The following SLC44A1 variants were observed in gnomAD, a reference collection of about 807,000 sequenced individuals.
The protein encoded by SLC44A1 is choline transporter-like protein 1.
A neutral mutation model predicts 79.3 loss-of-function variants in SLC44A1; 26 were observed. The ratio of observed to expected loss-of-function variants is 0.33; its 90% CI spans 0.24 to 0.46. SLC44A1 has a LOEUF of 0.46. Among genes scored for constraint, SLC44A1 ranks in the 20% least tolerant of loss-of-function variants. The probability of loss-of-function intolerance (pLI) is 1.00; values close to 1 mark genes in which losing one functional copy is unlikely to be tolerated. For missense variants in SLC44A1, 688 were observed against 798.1 expected (o/e 0.86, Z 1.66); for synonymous variants, 263 against 286.2 (o/e 0.92, Z 0.82).
intron 3 of SLC44A1, among the ~76,000 whole-genome samples, chr9:105,312,459 T>C (rs1831206087): frequency 1.3e-5 from 2 of 152,248 alleles, no homozygotes; most frequent in South Asian, 4.1e-4. Flanking sequence ...ATGTCTCAGA[T>C]CCTAGTTCAC....
chr9:105,383,636 T>C (rs1444885207), intron 14 of SLC44A1, among the ~76,000 whole-genome samples: 1 of 152,204 alleles, frequency 6.6e-6, no homozygotes, highest in African/African-American at 2.4e-5. Context: ...TGTAGTTAGA[T>C]AGATTTGAAT....
intron 15 of SLC44A1, among the ~76,000 whole-genome samples, chr9:105,429,303 T>G (rs1291629138): frequency 6.6e-6 from 1 of 152,192 alleles, no homozygotes; most frequent in Non-Finnish European, 1.5e-5. Flanking sequence ...CTTTTTGGTT[T>G]GTTTTCGTTT....
intron 2 of SLC44A1, among the ~76,000 whole-genome samples, chr9:105,301,049 C>T (rs1007032766): frequency 3.3e-5 from 5 of 152,162 alleles, no homozygotes; most frequent in Admixed American, 1.3e-4. Flanking sequence ...GGATTACAGG[C>T]GTGAGCCACC....
At chr9:105,278,908 A>C (rs1830280189) in intron 1 of SLC44A1, among the ~76,000 whole-genome samples, 1 of 152,136 alleles carries the variant, frequency 6.6e-6, no homozygotes, top group African/African-American at 2.4e-5. Flanking sequence ...TGCTGAGAAA[A>C]ATTGCATGTG....
intron 4 of SLC44A1, among the ~76,000 whole-genome samples, chr9:105,344,702 C>G (rs1432590657): frequency 6.6e-6 from 1 of 152,006 alleles, no homozygotes; most frequent in African/African-American, 2.4e-5. Flanking sequence ...ATCTATGTAT[C>G]AGGAAATATA....
chr9:105,376,365 A>G (rs563767172), intron 13 of SLC44A1, among the ~76,000 whole-genome samples: 2 of 132,014 alleles, frequency 1.5e-5, no homozygotes, highest in South Asian at 4.9e-4. Context: ...CACACACACT[A>G]CACACACTGC....
At position 105,389,068 on chromosome 9, in the gene SLC44A1, G is replaced by C. The variant is rs368082758; in HGVS notation, c.*12G>C. The stretch of plus-strand genomic sequence containing the variant: ...CAAGTTCTGCTTGAACCTAGCCGAC[G>C]GTTATGGAAACCCATTGACATTCCA... On this transcript the variant is annotated 3_prime_UTR_variant, in exon 16 of 16. Coordinates refer to ENST00000374720, the MANE Select transcript of SLC44A1 (RefSeq NM_080546.5). 1.2e-6 allele frequency: 2 copies of C among 1,612,912 alleles called. No homozygotes were observed. The highest frequency in any genetic ancestry group is 3.3e-5 in the Admixed American group (2 of 59,988).
At chr9:105,289,324 G>T (rs1830549154) in intron 1 of SLC44A1, among the ~76,000 whole-genome samples, 1 of 152,224 alleles carries the variant, frequency 6.6e-6, no homozygotes, top group South Asian at 2.1e-4. Context: ...CCATTTAGGG[G>T]AAGCTTCTGT....
chr9:105,280,589 A>G (rs1278202502), intron 1 of SLC44A1, among the ~76,000 whole-genome samples: 1 of 152,222 alleles, frequency 6.6e-6, no homozygotes, highest in African/African-American at 2.4e-5. Context: ...GAAACCATAA[A>G]CAGGTATTAA....
intron 3 of SLC44A1, among the ~76,000 whole-genome samples, chr9:105,312,540 T>C (rs1175297903): frequency 6.6e-6 from 1 of 152,226 alleles, no homozygotes; most frequent in Admixed American, 6.5e-5. Context: ...CCTTAGAATA[T>C]GTTTTAAGAA....
chr9:105,287,245 T>C (rs1830499895), intron 1 of SLC44A1, among the ~76,000 whole-genome samples: 1 of 152,220 alleles, frequency 6.6e-6, no homozygotes, highest in Non-Finnish European at 1.5e-5. Flanking sequence ...GTTGTACACC[T>C]TAGATATATA....
At chr9:105,385,041 G>A (rs771394549) in intron 14 of SLC44A1, among the ~76,000 whole-genome samples, 3 of 152,136 alleles carry the variant, frequency 2.0e-5, no homozygotes, top group African/African-American at 4.8e-5. Context: ...ATGGAGTAAC[G>A]TGTTCTTGTT....
chr9:105,356,412 A>G lies in SLC44A1; in HGVS notation c.670+31A>G, dbSNP rs76511056. 1.6e-4 allele frequency: 226 copies of G among 1,444,866 alleles called. No individual in the cohort carries two copies. The East Asian group carries it at 4.6e-3, about 29-fold the overall frequency. 89.5% of individuals were successfully genotyped at this position (1,444,866 alleles called of 1,614,324 possible). ...TGTTTTTCTCATTATTAGCTATTGC[A>G]TAGTATTGCAGAAGAAGACTGTTTT... On this transcript the variant is annotated intron_variant, in intron 6 of 15. Transcript: ENST00000374720.
intron 1 of SLC44A1, among the ~76,000 whole-genome samples, chr9:105,274,312 T>C (rs957364584): frequency 3.3e-5 from 5 of 152,218 alleles, no homozygotes; most frequent in African/African-American, 9.6e-5. Flanking sequence ...AGTTTACTCA[T>C]CTGGCCTTTG....
At chr9:105,277,312 A>G (rs1197022683) in intron 1 of SLC44A1, among the ~76,000 whole-genome samples, 1 of 152,218 alleles carries the variant, frequency 6.6e-6, no homozygotes. Context: ...CATCTCTTGA[A>G]TACACTTCAG....
chr9:105,335,568 T>C lies in SLC44A1; in HGVS notation c.275T>C (p.Val92Ala), dbSNP rs749697256. 1.3e-5 allele frequency: 21 copies of C among 1,611,544 alleles called. No individual in the cohort carries two copies. The highest frequency in any genetic ancestry group is 1.8e-5 in the Non-Finnish European group (21 of 1,178,484). Reference protein sequence around the residue: ...SGMDHTQRKYVFFLDPCNLDL... With the variant: ...SGMDHTQRKYAFFLDPCNLDL... ...TTTTTTTCTCCATGCTTTAGGTATGTATTCTTTTTGGATCCATGCAACCTG... is the reference window on the plus strand; with the variant it reads ...TTTTTTTCTCCATGCTTTAGGTATGCATTCTTTTTGGATCCATGCAACCTG... Residue 92 changes from valine (V) to alanine (A), a missense_variant, in exon 4 of 16, where the codon GTA (valine) becomes GCA (alanine). Physicochemically the swap from Val to Ala is moderately conservative, Grantham distance 64. Transcript: ENST00000374720.
At chr9:105,311,071 T>C (rs906880410) in intron 3 of SLC44A1, among the ~76,000 whole-genome samples, 8 of 152,196 alleles carry the variant, frequency 5.3e-5, no homozygotes, top group Admixed American at 4.6e-4. Flanking sequence ...TTGAGAGAAG[T>C]GAAAGTTGGA....
Position 105,332,623 on chromosome 9 carries a change from G to A in SLC44A1, c.270-2940G>A, listed in dbSNP as rs1168829841. ...ATGGTAGCATTCTTCTCACCCTCCT[G>A]TTCTTGTTTTCTTTGTGCTGGATCT... On this transcript the variant is annotated intron_variant, in intron 3 of 15. Coordinates refer to ENST00000374720, the MANE Select transcript of SLC44A1 (RefSeq NM_080546.5). 1.4e-4 allele frequency among the ~76,000 whole-genome samples: 22 copies of A among 152,128 alleles called. 1 individual carries two copies. Among genetic ancestry groups the A allele is most frequent in the Admixed American group, 1.4e-3 (22 of 15,280 alleles).
chr9:105,416,242 T>C (rs1159586699), intron 15 of SLC44A1, among the ~76,000 whole-genome samples: 1 of 151,214 alleles, frequency 6.6e-6, no homozygotes, highest in East Asian at 1.9e-4. Context: ...TATTGTTTTA[T>C]GGAAATAAGA....
Sources: gnomAD v4.1 joint callset for allele counts (sites outside exome capture counted in the v4.1 genomes callset) on GRCh38, gnomAD v4.1.1 for gene constraint, MANE v1.5 for transcripts, NCBI Gene and HGNC (gene_info 2026-07-23, HGNC 2026-07-21) for gene names.